MSR1: variants seen among roughly 807,000 people sequenced by gnomAD.
MSR1 encodes the protein macrophage scavenger receptor types I and II.
Under a neutral mutation model 47.2 loss-of-function variants are expected in MSR1, and 53 were observed. The observed-to-expected ratio is 1.12, with a 90% confidence interval of 0.90 to 1.41. MSR1 has a LOEUF of 1.41. Among genes scored for constraint, MSR1 ranks in the 40% most tolerant of loss-of-function variants. MSR1 has a pLI of 0.00. For missense variants in MSR1, 786 were observed against 546.9 expected (o/e 1.44, Z -4.36); for synonymous variants, 239 against 185.6 (o/e 1.29, Z -2.34).
chr8:16,150,116 AT>A (rs1442441927), intron 7 of MSR1, 114 bp downstream of exon 7: 1 of 214,364 alleles, frequency 4.7e-6, no homozygotes, highest in Non-Finnish European at 8.7e-6. Flanking sequence ...ATATAACATT[AT>A]GTGTGTGTGT....
At chr8:16,163,380 T>A (rs981796417) in intron 5 of MSR1, among the ~76,000 whole-genome samples, 3 of 151,412 alleles carry the variant, frequency 2.0e-5, no homozygotes, top group African/African-American at 7.3e-5. Context: ...GGCAAAAGGT[T>A]GCAATCAAAA....
chr8:16,182,628 T>C (rs915122170), intron 1 of MSR1, among the ~76,000 whole-genome samples: 2 of 151,942 alleles, frequency 1.3e-5, no homozygotes, highest in Admixed American at 1.3e-4. Flanking sequence ...ACACACACAT[T>C]AGCCTAGGCC....
chr8:16,127,176 C>T (rs1361231659), intron 8 of MSR1, among the ~76,000 whole-genome samples: 33 of 152,140 alleles, frequency 2.2e-4, no homozygotes, highest in Non-Finnish European at 4.4e-5. Context: ...AAGGCCACAG[C>T]ACAAACTCCC....
chr8:16,172,887 A>C (rs1801527318), intron 3 of MSR1, among the ~76,000 whole-genome samples: 1 of 152,026 alleles, frequency 6.6e-6, no homozygotes, highest in Non-Finnish European at 1.5e-5. Flanking sequence ...TATTTGCCAA[A>C]CTTCTACCAT....
chr8:16,154,143 G>A (rs1169343395), intron 6 of MSR1, among the ~76,000 whole-genome samples: 3 of 151,760 alleles, frequency 2.0e-5, no homozygotes, highest in African/African-American at 7.3e-5. Flanking sequence ...TTTTTCTGAT[G>A]TGACCAGGGC....
At chr8:16,182,675 C>A (rs1801869081) in intron 1 of MSR1, among the ~76,000 whole-genome samples, 1 of 152,088 alleles carries the variant, frequency 6.6e-6, no homozygotes, top group African/African-American at 2.4e-5. Context: ...ACTGTCTTCC[C>A]CTCCATATCT....
At chr8:16,178,468 T>G (rs890407768) in intron 1 of MSR1, among the ~76,000 whole-genome samples, 2 of 152,214 alleles carry the variant, frequency 1.3e-5, no homozygotes, top group South Asian at 2.1e-4. Context: ...TACTCCACGG[T>G]GTACATGTGC....
chr8:16,176,261 C>A (rs540710333), intron 2 of MSR1, among the ~76,000 whole-genome samples: 370 of 152,194 alleles, frequency 2.4e-3, no homozygotes, highest in Middle Eastern at 0.014. Flanking sequence ...AATCCCAGCA[C>A]TTTGGGAGGC....
chr8:16,123,837 G>A (rs906789690), intron 8 of MSR1, among the ~76,000 whole-genome samples: 2 of 152,132 alleles, frequency 1.3e-5, no homozygotes, highest in Non-Finnish European at 2.9e-5. Context: ...TTAGGTATCT[G>A]CAATAGCTGA....
chr8:16,185,846 G>GA (rs77751924), intron 1 of MSR1, among the ~76,000 whole-genome samples: 4,916 of 125,260 alleles, frequency 0.039, 202 homozygotes, highest in East Asian at 0.12. Context: ...CTTTTTTCAG[G>GA]AAAAAAAAAA....
At chr8:16,140,174 T>C in intron 8 of MSR1, 1 of 985,176 alleles carries the variant, frequency 1.0e-6, no homozygotes, top group Non-Finnish European at 1.2e-6. Flanking sequence ...ATATTATCAA[T>C]ACTCATGACA....
At chr8:16,173,145 C>T (rs1333081069) in intron 3 of MSR1, among the ~76,000 whole-genome samples, 1 of 152,136 alleles carries the variant, frequency 6.6e-6, no homozygotes, top group Non-Finnish European at 1.5e-5. Flanking sequence ...TAGTCGGTAC[C>T]TACTGTAGTT....
At chr8:16,163,969 A>C (rs1414439465) in intron 5 of MSR1, 96 bp downstream of exon 5, 1 of 1,000,512 alleles carries the variant, frequency 1.0e-6, no homozygotes, top group East Asian at 2.7e-5. Flanking sequence ...GAAACTATTT[A>C]TTTCAAACCA....
At chr8:16,150,140 G>GTGTGAATATATATATA (rs1402495981) in intron 7 of MSR1, 91 bp downstream of exon 7, 14 of 172,634 alleles carry the variant, frequency 8.1e-5, no homozygotes, top group African/African-American at 4.3e-4. Context: ...GTGTGTGTGT[G>GTGTGAATATATATATA]TATATATATA....
chr8:16,192,301 G>GA lies in MSR1; in HGVS notation c.-5+296dup, dbSNP rs546346650. On this transcript the variant is annotated intron_variant, in intron 1 of 9. Transcript: ENST00000262101. ...TTAAACAAAATATGCTTAATTATATGAAAAAACCCCATTGCTGGTTCAAAC... is the reference window on the plus strand; with the variant it reads ...TTAAACAAAATATGCTTAATTATATGAAAAAAACCCCATTGCTGGTTCAAAC... Among the ~76,000 whole-genome samples the GA allele has an allele frequency of 5.1e-4, 77 of 152,106 alleles. 1 individual carries two copies. In the East Asian group the frequency reaches 0.014, roughly 28 times the overall value.
chr8:16,173,447 G>A (rs1801546819), intron 3 of MSR1, among the ~76,000 whole-genome samples: 1 of 152,172 alleles, frequency 6.6e-6, no homozygotes, highest in African/African-American at 2.4e-5. Flanking sequence ...TTACAGATAA[G>A]CATAGACATA....
Position 16,121,708 on chromosome 8 carries a change from C to T in MSR1, c.1034-1102G>A, listed in dbSNP as rs147971053. Among the ~76,000 whole-genome samples, 8 of 151,618 alleles carry T rather than the reference C, an allele frequency of 5.3e-5. No homozygotes were observed. In the East Asian group the frequency reaches 1.5e-3, roughly 29 times the overall value. On this transcript the variant is annotated intron_variant, in intron 8 of 9. Coordinates refer to ENST00000262101, the MANE Select transcript of MSR1 (RefSeq NM_138715.3). ...GTAATTCTACGTAAACAAAAGATAG[C>T]TTTTCAAATATAAGTTTGAGGAATG...
chr8:16,168,070 T>TA (rs202005370), intron 4 of MSR1, among the ~76,000 whole-genome samples: 185 of 146,908 alleles, frequency 1.3e-3, no homozygotes, highest in African/African-American at 3.7e-3. Flanking sequence ...AACTTACAAA[T>TA]AAAAAAAAAA....
chr8:16,123,404 T>G (rs748520691), intron 8 of MSR1, among the ~76,000 whole-genome samples: 5 of 152,162 alleles, frequency 3.3e-5, no homozygotes, highest in Non-Finnish European at 7.4e-5. Flanking sequence ...ATCATAGGAT[T>G]TTCTCTGTAA....
Sources: allele counts gnomAD v4.1 joint callset (sites outside exome capture counted in the v4.1 genomes callset), GRCh38; gene constraint gnomAD v4.1.1; transcripts MANE v1.5; gene names NCBI Gene and HGNC (gene_info 2026-07-23, HGNC 2026-07-21).